The following KLF7 variants were observed in gnomAD, a reference collection of about 807,000 sequenced individuals.
KLF7 encodes KLF transcription factor 7.
A neutral mutation model predicts 27.3 loss-of-function variants in KLF7; 2 were observed. The observed-to-expected ratio is 0.07, with a 90% CI of 0.03 to 0.23. KLF7 has a LOEUF of 0.23. Ranked by LOEUF, KLF7 falls within the 10% of genes least tolerant of loss-of-function variation. The pLI is 1.00. For synonymous variants in KLF7, 165 were observed against 162.4 expected (o/e 1.02, Z -0.12); for missense variants, 221 against 394.1 (o/e 0.56, Z 3.72).
intron 3 of KLF7, among the ~76,000 whole-genome samples, chr2:207,082,747 C>T (rs543580933): frequency 1.3e-5 from 2 of 152,312 alleles, no homozygotes; most frequent in South Asian, 4.1e-4. Context: ...GTCCAAAACT[C>T]CTGTCAGAAT....
intron 1 of KLF7, among the ~76,000 whole-genome samples, chr2:207,143,038 C>T (rs1342363088): frequency 1.3e-5 from 2 of 152,126 alleles, no homozygotes; most frequent in African/African-American, 4.8e-5. Context: ...ACCTAAATGT[C>T]AAAGAAATCA....
chr2:207,111,690 T>G (rs1421593653), intron 2 of KLF7, among the ~76,000 whole-genome samples: 1 of 152,190 alleles, frequency 6.6e-6, no homozygotes, highest in Non-Finnish European at 1.5e-5. Flanking sequence ...CTTGCTTGTA[T>G]GCCTGCACTC....
intron 1 of KLF7, among the ~76,000 whole-genome samples, chr2:207,126,284 T>C (rs1423842878): frequency 6.6e-6 from 1 of 152,178 alleles, no homozygotes; most frequent in Non-Finnish European, 1.5e-5. Flanking sequence ...TTCTGAATTA[T>C]AAGATTCTAC....
chr2:207,121,721 C>T (rs2077345847), intron 2 of KLF7: 5 of 152,172 alleles, frequency 3.3e-5, no homozygotes, highest in Admixed American at 3.3e-4. Flanking sequence ...ATAATGAGCT[C>T]CACCTTGGTA....
intron 1 of KLF7, among the ~76,000 whole-genome samples, chr2:207,147,600 C>T (rs541785974): frequency 1.2e-4 from 19 of 152,242 alleles, no homozygotes; most frequent in Non-Finnish European, 2.6e-4. Flanking sequence ...AGTCTGAAGG[C>T]TTCTATCCCC....
At chr2:207,120,758 T>G (rs1450026166) in intron 2 of KLF7, 1 of 152,236 alleles carries the variant, frequency 6.6e-6, no homozygotes, top group Non-Finnish European at 1.5e-5. Context: ...CCCATCTCCA[T>G]ACACCTTTGC....
chr2:207,090,995 C>T (rs1053628601), intron 2 of KLF7, among the ~76,000 whole-genome samples: 1 of 152,026 alleles, frequency 6.6e-6, no homozygotes, highest in Admixed American at 6.6e-5. Flanking sequence ...ACCTTGGGGA[C>T]CAAACACACT....
intron 1 of KLF7, among the ~76,000 whole-genome samples, chr2:207,151,171 C>T (rs2078235383): frequency 6.6e-6 from 1 of 152,002 alleles, no homozygotes; most frequent in African/African-American, 2.4e-5. Context: ...AAACTGCCTC[C>T]CGAGGTAATT....
At chr2:207,085,698 C>G (rs989422827) in intron 3 of KLF7, among the ~76,000 whole-genome samples, 1 of 152,150 alleles carries the variant, frequency 6.6e-6, no homozygotes, top group Non-Finnish European at 1.5e-5. Context: ...TCCGATAAGG[C>G]ATGGATACAA....
chr2:207,134,207 G>A, intron 1 of KLF7: 1 of 1,207,730 alleles, frequency 8.3e-7, no homozygotes, highest in Non-Finnish European at 1.1e-6. Flanking sequence ...CTCCTTCCTG[G>A]AACACAGTCA....
Position 207,124,183 on chromosome 2 carries a change from G to A in KLF7, c.324C>T (p.Thr108=). Residue 108 remains threonine, a synonymous_variant, in exon 2 of 4, where the codon ACC becomes ACT. Coordinates refer to ENST00000309446, the MANE Select transcript of KLF7 (RefSeq NM_003709.4). ...AGCTGGCCGGCTGGAGGCTGAGGCA[G>A]GTCTCAGATAGCAACTTGTCCCGAG... ...LLSRDKLLSE[T]CLSLQPASSS... 1 of 1,614,146 alleles carries A rather than the reference G, an allele frequency of 6.2e-7. No individual in the cohort carries two copies. The highest frequency in any genetic ancestry group is 8.5e-7 in the Non-Finnish European group (1 of 1,180,036).
At chr2:207,126,633 T>C (rs2105997914) in intron 1 of KLF7, among the ~76,000 whole-genome samples, 1 of 152,230 alleles carries the variant, frequency 6.6e-6, no homozygotes, top group East Asian at 1.9e-4. Context: ...AGACCCTGTC[T>C]CCACAAAAAC....
At chr2:207,105,343 A>G (rs530320219) in intron 2 of KLF7, among the ~76,000 whole-genome samples, 1 of 152,302 alleles carries the variant, frequency 6.6e-6, no homozygotes, top group East Asian at 1.9e-4. Context: ...TTCTTTATGT[A>G]TCAGGCAGCC....
upstream of KLF7, among the ~76,000 whole-genome samples, chr2:207,169,812 T>G (rs1222912831): frequency 2.0e-5 from 3 of 152,184 alleles, no homozygotes; most frequent in Admixed American, 6.5e-5. Flanking sequence ...TAAGGCACCA[T>G]GAACTGTGCC....
At chr2:207,105,452 C>A (rs557565750) in intron 2 of KLF7, among the ~76,000 whole-genome samples, 2 of 152,304 alleles carry the variant, frequency 1.3e-5, no homozygotes, top group South Asian at 4.1e-4. Context: ...GGGATAGACA[C>A]CCAGCTAATA....
At chr2:207,092,042 A>G (rs2076524276) in intron 2 of KLF7, among the ~76,000 whole-genome samples, 1 of 152,226 alleles carries the variant, frequency 6.6e-6, no homozygotes, top group African/African-American at 2.4e-5. Flanking sequence ...GTTTCATGCA[A>G]AATCAGCTCT....
Position 207,081,139 on chromosome 2 carries a change from A to G in KLF7, c.*74T>C. The G allele has an allele frequency of 7.4e-7, 1 of 1,346,748 alleles. No homozygotes were observed. The highest frequency in any genetic ancestry group is 1.1e-6 in the Non-Finnish European group (1 of 937,308). The allele number at this position is 1,346,748 out of a possible 1,614,324, so 83.4% of individuals were successfully genotyped here. ...TGCGAGGCAATGGGTCCCCGCCTGA[A>G]GTCCAGCCCCCTGCCTCATGGCGTT... On this transcript the variant is annotated 3_prime_UTR_variant, in exon 4 of 4. Coordinates refer to ENST00000309446, the MANE Select transcript of KLF7 (RefSeq NM_003709.4).
At chr2:207,119,806 C>A (rs554002134) in intron 2 of KLF7, among the ~76,000 whole-genome samples, 5 of 152,108 alleles carry the variant, frequency 3.3e-5, no homozygotes, top group African/African-American at 4.8e-5. Context: ...TGGGGTCAAG[C>A]GATTCTCCTG....
chr2:207,108,760 G>A (rs534623734), intron 2 of KLF7, among the ~76,000 whole-genome samples: 3 of 152,182 alleles, frequency 2.0e-5, no homozygotes, highest in African/African-American at 7.2e-5. Context: ...TATTTACCAA[G>A]GGTTTTTATT....
Sources: allele counts gnomAD v4.1 joint callset (sites outside exome capture counted in the v4.1 genomes callset), GRCh38; gene constraint gnomAD v4.1.1; transcripts MANE v1.5; gene names NCBI Gene and HGNC (gene_info 2026-07-23, HGNC 2026-07-21).